The following PCDH9 variants were observed in gnomAD, a reference collection of about 807,000 sequenced individuals.
PCDH9 encodes the protein protocadherin-9.
PCDH9 carries 24 observed loss-of-function variants against 70.6 expected under a neutral mutation model. The ratio of observed to expected loss-of-function variants is 0.34; its 90% CI spans 0.25 to 0.48. The LOEUF is 0.48. Ranked by LOEUF, PCDH9 falls within the 20% of genes least tolerant of loss-of-function variation. The pLI is 0.99. For synonymous variants in PCDH9, 562 were observed against 558.5 expected, an observed-to-expected ratio of 1.01 and a Z score of -0.09; for missense variants, 1,281 against 1,503.6, an observed-to-expected ratio of 0.85 and a Z score of 2.45.
chr13:66,314,901 A>G (rs1955623482), intron 4 of PCDH9, among the ~76,000 whole-genome samples: 1 of 152,208 alleles, frequency 6.6e-6, no homozygotes, highest in Non-Finnish European at 1.5e-5. Context: ...TTGTAGATGT[A>G]ATAAAATTAC....
intron 2 of PCDH9, among the ~76,000 whole-genome samples, chr13:67,180,057 A>G (rs1223582626): frequency 1.3e-5 from 2 of 152,060 alleles, no homozygotes; most frequent in African/African-American, 2.4e-5. Flanking sequence ...AATGACCAGT[A>G]GAAAATATCT....
At chr13:67,221,371 T>C (rs1380843157) in intron 2 of PCDH9, 1 of 152,042 alleles carries the variant, frequency 6.6e-6, no homozygotes, top group Non-Finnish European at 1.5e-5. Context: ...TAATATAGTA[T>C]CTCTAAATGG....
intron 4 of PCDH9, among the ~76,000 whole-genome samples, chr13:66,535,641 G>A (rs1172878626): frequency 1.3e-5 from 2 of 152,024 alleles, no homozygotes; most frequent in Non-Finnish European, 2.9e-5. Flanking sequence ...TGTAACACAA[G>A]AAAATTTCCC....
At chr13:66,663,558 A>T (rs943475572) in intron 3 of PCDH9, among the ~76,000 whole-genome samples, 1 of 152,240 alleles carries the variant, frequency 6.6e-6, no homozygotes, top group Non-Finnish European at 1.5e-5. Context: ...GTTGTTAATT[A>T]TATCTTCAAA....
intron 4 of PCDH9, among the ~76,000 whole-genome samples, chr13:66,494,116 G>T (rs1959077263): frequency 6.6e-6 from 1 of 152,066 alleles, no homozygotes; most frequent in African/African-American, 2.4e-5. Context: ...CACTCTATGA[G>T]AATGCAGAGA....
At chr13:66,980,730 G>GTTTTTTTTTTGTT (rs2083730988) in intron 2 of PCDH9, among the ~76,000 whole-genome samples, 1 of 70,872 alleles carries the variant, frequency 1.4e-5, no homozygotes, top group Non-Finnish European at 2.7e-5. Flanking sequence ...TTTTTTCTTT[G>GTTTTTTTTTTGTT]TTTTTTTTTT....
intron 4 of PCDH9, among the ~76,000 whole-genome samples, chr13:66,472,216 A>T (rs1054520735): frequency 4.0e-5 from 6 of 148,286 alleles, no homozygotes; most frequent in African/African-American, 1.5e-4. Flanking sequence ...CATCTCAAAA[A>T]AAAAAAAAAA....
At chr13:67,211,706 T>G (rs1053595220) in intron 2 of PCDH9, 6 of 152,130 alleles carry the variant, frequency 3.9e-5, no homozygotes, top group Non-Finnish European at 7.4e-5. Flanking sequence ...TCTCTTGTTT[T>G]CAACGTTTAT....
intron 4 of PCDH9, among the ~76,000 whole-genome samples, chr13:66,421,137 A>G: frequency 6.6e-6 from 1 of 152,086 alleles, no homozygotes; most frequent in East Asian, 1.9e-4. Flanking sequence ...AGAAAAAAAA[A>G]AGGAAAGCAA....
intron 3 of PCDH9, among the ~76,000 whole-genome samples, chr13:66,848,843 G>C (rs140627406): frequency 0.015 from 2,286 of 150,824 alleles, 70 homozygotes; most frequent in African/African-American, 0.052. Flanking sequence ...CAGGAGAATG[G>C]CGTGAACCCC....
At chr13:66,897,913 A>G (rs1189526771) in intron 3 of PCDH9, among the ~76,000 whole-genome samples, 3 of 152,106 alleles carry the variant, frequency 2.0e-5, no homozygotes, top group Non-Finnish European at 4.4e-5. Flanking sequence ...TTCCAGGTCA[A>G]TCTTACCTAA....
intron 4 of PCDH9, among the ~76,000 whole-genome samples, chr13:66,395,953 G>T (rs1957095171): frequency 6.6e-6 from 1 of 152,154 alleles, no homozygotes; most frequent in South Asian, 2.1e-4. Flanking sequence ...CTGAAGTATG[G>T]ATTGTGGAAG....
At chr13:66,636,612 T>C in intron 3 of PCDH9, among the ~76,000 whole-genome samples, 1 of 152,160 alleles carries the variant, frequency 6.6e-6, no homozygotes, top group East Asian at 1.9e-4. Context: ...TGTTTAAATA[T>C]GATTTTATGT....
chr13:66,860,895 T>C (rs1386997960), intron 3 of PCDH9, among the ~76,000 whole-genome samples: 2 of 152,176 alleles, frequency 1.3e-5, no homozygotes, highest in African/African-American at 4.8e-5. Flanking sequence ...ATAGAAAGAA[T>C]ATCAGGCATG....
chr13:66,332,215 C>T (rs945820457), intron 4 of PCDH9, among the ~76,000 whole-genome samples: 1 of 152,080 alleles, frequency 6.6e-6, no homozygotes, highest in East Asian at 1.9e-4. Context: ...TAACTTTCCA[C>T]TATGAAGCAA....
At chr13:66,406,835 C>T (rs937303168) in intron 4 of PCDH9, among the ~76,000 whole-genome samples, 1 of 152,090 alleles carries the variant, frequency 6.6e-6, no homozygotes, top group African/African-American at 2.4e-5. Context: ...TTAATAAATG[C>T]CAATAAGCTG....
At chr13:66,317,326 A>C (rs2138077827) in intron 4 of PCDH9, among the ~76,000 whole-genome samples, 1 of 152,328 alleles carries the variant, frequency 6.6e-6, no homozygotes, top group African/African-American at 2.4e-5. Flanking sequence ...AATAACAGGA[A>C]CACCTCTAAC....
At chr13:66,331,400 C>T (rs932757065) in intron 4 of PCDH9, among the ~76,000 whole-genome samples, 14 of 152,182 alleles carry the variant, frequency 9.2e-5, no homozygotes, top group African/African-American at 2.2e-4. Context: ...ACTTCATGAG[C>T]GCCAGAGGAG....
intron 2 of PCDH9, among the ~76,000 whole-genome samples, chr13:67,067,742 G>A (rs995804797): frequency 4.1e-5 from 6 of 145,552 alleles, no homozygotes; most frequent in Non-Finnish European, 9.0e-5. Context: ...TAAAGAATTT[G>A]GGGGGTTCAA....
Sources: allele counts gnomAD v4.1 joint callset (sites outside exome capture counted in the v4.1 genomes callset), GRCh38; gene constraint gnomAD v4.1.1; transcripts MANE v1.5; gene names NCBI Gene and HGNC (gene_info 2026-07-23, HGNC 2026-07-21).